Variants in ADGRB3 observed in about 807,000 individuals in gnomAD.
ADGRB3 encodes adhesion G protein-coupled receptor B3.
A neutral mutation model predicts 193.4 loss-of-function variants in ADGRB3; 37 were observed. The observed-to-expected ratio is 0.19, with a 90% CI of 0.15 to 0.25. ADGRB3 has a LOEUF of 0.25. Ranked by LOEUF, ADGRB3 falls within the 10% of genes least tolerant of loss-of-function variation. ADGRB3 has a pLI of 1.00. For missense variants in ADGRB3, 1,637 were observed against 1,852.9 expected (o/e 0.88, Z 2.14); for synonymous variants, 690 against 644.2 (o/e 1.07, Z -1.08).
At chr6:68,984,614 G>T (rs957585249) in intron 10 of ADGRB3, among the ~76,000 whole-genome samples, 2 of 151,840 alleles carry the variant, frequency 1.3e-5, no homozygotes, top group South Asian at 4.2e-4. Context: ...GCCAAAAAAG[G>T]GTTTTGTATT....
At chr6:68,794,715 TAGAC>T (rs1767173400) in intron 3 of ADGRB3, among the ~76,000 whole-genome samples, 1 of 152,140 alleles carries the variant, frequency 6.6e-6, no homozygotes, top group South Asian at 2.1e-4. Flanking sequence ...TACAGTATAA[TAGAC>T]AGAATCAGGG....
At chr6:69,347,305 A>G (rs1392766722) in intron 26 of ADGRB3, among the ~76,000 whole-genome samples, 2 of 152,184 alleles carry the variant, frequency 1.3e-5, no homozygotes, top group East Asian at 1.9e-4. Flanking sequence ...ATGTATACCT[A>G]TGTAACAAAC....
chr6:68,899,034 A>C (rs1187819927), intron 3 of ADGRB3, among the ~76,000 whole-genome samples: 1 of 152,200 alleles, frequency 6.6e-6, no homozygotes, highest in African/African-American at 2.4e-5. Context: ...TATGGGCTTC[A>C]GTTAATAATA....
rs1766906597 is a variant in ADGRB3, at chr6:68,917,205, CA to C, written c.758-13352del. Among the ~76,000 whole-genome samples, 5 of 152,250 alleles carry C rather than the reference CA, an allele frequency of 3.3e-5. No individual in the cohort carries two copies. The South Asian group carries it at 1.0e-3, about 32-fold the overall frequency. On this transcript the variant is annotated intron_variant, in intron 3 of 31. Coordinates refer to ENST00000370598, the MANE Select transcript of ADGRB3 (RefSeq NM_001704.3). Reference sequence around the variant, plus strand: ...TTGGGAGAAAGATAAGAATCACAGTCAATTCCAGGAATCATAGATAAATCCA... The same window carrying C: ...TTGGGAGAAAGATAAGAATCACAGTCATTCCAGGAATCATAGATAAATCCA...
At chr6:68,687,739 A>G (rs1252342271) in intron 3 of ADGRB3, among the ~76,000 whole-genome samples, 2 of 152,182 alleles carry the variant, frequency 1.3e-5, no homozygotes, top group Non-Finnish European at 1.5e-5. Context: ...CAGAAATGTA[A>G]CTCACACAGA....
intron 10 of ADGRB3, among the ~76,000 whole-genome samples, chr6:68,985,305 G>A (rs1049560018): frequency 1.3e-5 from 2 of 152,132 alleles, no homozygotes; most frequent in Admixed American, 1.3e-4. Context: ...TTTGAAAAGT[G>A]CTCTTTGTGA....
chr6:69,092,605 C>T (rs1435759782), intron 17 of ADGRB3, among the ~76,000 whole-genome samples: 3 of 152,126 alleles, frequency 2.0e-5, no homozygotes, highest in South Asian at 2.1e-4. Context: ...GCACTGAGGA[C>T]ATACATATTA....
Position 69,062,979 on chromosome 6 carries a change from G to A in ADGRB3, c.2379G>A (p.Arg793=). 6.2e-7 allele frequency: 1 copy of A among 1,612,168 alleles called. No individual in the cohort carries two copies. Among genetic ancestry groups the A allele is most frequent in the Admixed American group, 1.7e-5 (1 of 59,756 alleles). ...CCAAAATCATCGTGGTCACAATAAGGCCTGAACCCAAAACAACCGATTCGT... is the reference window on the plus strand; with the variant it reads ...CCAAAATCATCGTGGTCACAATAAGACCTGAACCCAAAACAACCGATTCGT... The part of the protein sequence containing the change: ...INSKIIVVTI[R]PEPKTTDSFL... The change falls in exon 16 of 32, where the codon AGG becomes AGA. Residue 793 remains arginine, a synonymous_variant. Coordinates refer to ENST00000370598, the MANE Select transcript of ADGRB3 (RefSeq NM_001704.3).
At chr6:68,858,607 A>C (rs1463909728) in intron 3 of ADGRB3, among the ~76,000 whole-genome samples, 1 of 151,776 alleles carries the variant, frequency 6.6e-6, no homozygotes, top group Admixed American at 6.6e-5. Flanking sequence ...AAAAAAAAAA[A>C]AAAACACAGC....
intron 20 of ADGRB3, among the ~76,000 whole-genome samples, chr6:69,286,876 A>G (rs1268650350): frequency 6.6e-6 from 1 of 152,190 alleles, no homozygotes; most frequent in Non-Finnish European, 1.5e-5. Context: ...GCTGTTAAAT[A>G]TGTAATGTTA....
chr6:68,724,663 AT>A (rs35845748), intron 3 of ADGRB3, among the ~76,000 whole-genome samples: 57,801 of 144,350 alleles, frequency 0.4, 11,559 homozygotes, highest in African/African-American at 0.5. Context: ...AAAAACCCAT[AT>A]TTTTTTTTTT....
At chr6:69,005,764 G>C (rs77903161) in intron 11 of ADGRB3, among the ~76,000 whole-genome samples, 5,401 of 152,242 alleles carry the variant, frequency 0.035, 123 homozygotes, top group Middle Eastern at 0.071. Context: ...GCCTGCTGCA[G>C]ACCCCACTAT....
chr6:69,050,737 A>G (rs1383305037), intron 15 of ADGRB3, among the ~76,000 whole-genome samples: 1 of 152,214 alleles, frequency 6.6e-6, no homozygotes, highest in Non-Finnish European at 1.5e-5. Context: ...TTGTGTTTTC[A>G]TTTCAATTAA....
chr6:68,794,999 C>A (rs1230341554), intron 3 of ADGRB3, among the ~76,000 whole-genome samples: 2 of 151,910 alleles, frequency 1.3e-5, no homozygotes, highest in Admixed American at 1.3e-4. Context: ...TATTTTTAAC[C>A]ATAATTGTTT....
intron 17 of ADGRB3, among the ~76,000 whole-genome samples, chr6:69,218,407 C>T (rs1765818972): frequency 6.6e-6 from 1 of 152,052 alleles, no homozygotes; most frequent in Non-Finnish European, 1.5e-5. Context: ...TCAGCCTGTA[C>T]TTTGACACTC....
intron 3 of ADGRB3, among the ~76,000 whole-genome samples, chr6:68,811,430 C>A (rs1195696535): frequency 6.6e-6 from 1 of 152,050 alleles, no homozygotes; most frequent in Non-Finnish European, 1.5e-5. Flanking sequence ...TTGCACTATT[C>A]TGTCAGGCCA....
chr6:68,818,098 T>C (rs1160484143), intron 3 of ADGRB3, among the ~76,000 whole-genome samples: 1 of 152,012 alleles, frequency 6.6e-6, no homozygotes, highest in Non-Finnish European at 1.5e-5. Flanking sequence ...TGGGACCAAA[T>C]CCATCTCAGT....
chr6:69,138,377 T>A (rs561101235), intron 17 of ADGRB3, among the ~76,000 whole-genome samples: 26 of 152,326 alleles, frequency 1.7e-4, no homozygotes, highest in Non-Finnish European at 3.8e-4. Context: ...GGCTCAGGCA[T>A]AGCTATGTAA....
intron 3 of ADGRB3, among the ~76,000 whole-genome samples, chr6:68,663,497 T>C (rs1768720328): frequency 6.6e-6 from 1 of 151,786 alleles, no homozygotes; most frequent in South Asian, 2.1e-4. Flanking sequence ...ATTTTGTACC[T>C]TTTTAAATTG....
Sources: gnomAD v4.1 joint callset for allele counts (sites outside exome capture counted in the v4.1 genomes callset) on GRCh38, gnomAD v4.1.1 for gene constraint, MANE v1.5 for transcripts, NCBI Gene and HGNC (gene_info 2026-07-23, HGNC 2026-07-21) for gene names.